The following BAIAP2L1 variants were observed in gnomAD, a reference collection of about 807,000 sequenced individuals.
BAIAP2L1 encodes BAR/IMD domain containing adaptor protein 2 like 1, also known as BAR/IMD domain-containing adapter protein 2-like 1.
BAIAP2L1 carries 35 observed loss-of-function variants against 66.3 expected under a neutral mutation model. The ratio of observed to expected loss-of-function variants is 0.53; its 90% confidence interval spans 0.40 to 0.70. The LOEUF (loss-of-function observed/expected upper bound fraction) is 0.70. BAIAP2L1 is among the 30% of genes least tolerant of loss of function. The probability of loss-of-function intolerance (pLI) is 0.00; values close to 1 mark genes in which losing one functional copy is unlikely to be tolerated. For missense variants in BAIAP2L1, 622 were observed against 656.9 expected (o/e 0.95, Z 0.58); for synonymous variants, 269 against 248.7 (o/e 1.08, Z -0.77).
chr7:98,317,734 G>T (rs1356895486), intron 5 of BAIAP2L1, among the ~76,000 whole-genome samples: 1 of 150,418 alleles, frequency 6.6e-6, no homozygotes, highest in Admixed American at 6.6e-5. Flanking sequence ...CCATCTGCAT[G>T]TTGGCTGGGG....
rs143860425 is a variant in BAIAP2L1, at chr7:98,299,682, G to A, written c.1422+4514C>T. Among the ~76,000 whole-genome samples, 967 of 152,292 alleles carry A rather than the reference G, an allele frequency of 6.3e-3. 7 individuals carry two copies. Among genetic ancestry groups the A allele is most frequent in the African/African-American group, 0.022 (917 of 41,572 alleles). On this transcript the variant is annotated intron_variant, in intron 12 of 13. Coordinates refer to ENST00000005260, the MANE Select transcript of BAIAP2L1 (RefSeq NM_018842.5). Reference sequence around the variant, plus strand: ...AGAGCAAGTTTTTAAATGGAACACTGTACTATTTTGTATGATCTATTCCTA... The same window carrying A: ...AGAGCAAGTTTTTAAATGGAACACTATACTATTTTGTATGATCTATTCCTA...
At chr7:98,368,520 G>T (rs570082217) in intron 1 of BAIAP2L1, among the ~76,000 whole-genome samples, 2 of 151,978 alleles carry the variant, frequency 1.3e-5, no homozygotes, top group African/African-American at 2.4e-5. Context: ...GTGAAACCCC[G>T]CCTCTACTAA....
At chr7:98,312,988 G>A (rs1800926021) in intron 7 of BAIAP2L1, among the ~76,000 whole-genome samples, 1 of 152,158 alleles carries the variant, frequency 6.6e-6, no homozygotes, top group Non-Finnish European at 1.5e-5. Flanking sequence ...GGGGAGGCAG[G>A]AGCCTGTCCT....
chr7:98,348,569 C>CAAAAAAAAA (rs752966671), intron 3 of BAIAP2L1, among the ~76,000 whole-genome samples: 2 of 109,842 alleles, frequency 1.8e-5, no homozygotes, highest in Non-Finnish European at 3.7e-5. Flanking sequence ...TCTGCCTCCA[C>CAAAAAAAAA]AAAAAAAAAA....
At chr7:98,352,025 G>C (rs1802011552) in intron 3 of BAIAP2L1, among the ~76,000 whole-genome samples, 1 of 151,724 alleles carries the variant, frequency 6.6e-6, no homozygotes, top group African/African-American at 2.4e-5. Context: ...CCAAAACGGA[G>C]TAACTAGACA....
intron 3 of BAIAP2L1, among the ~76,000 whole-genome samples, chr7:98,325,241 G>A (rs1801352201): frequency 6.6e-6 from 1 of 152,032 alleles, no homozygotes; most frequent in African/African-American, 2.4e-5. Context: ...AAATTAGCTG[G>A]GCATGGTGGC....
intron 7 of BAIAP2L1, among the ~76,000 whole-genome samples, chr7:98,312,867 G>A (rs779212018): frequency 7.9e-5 from 12 of 152,178 alleles, no homozygotes; most frequent in Non-Finnish European, 1.8e-4. Flanking sequence ...TGGAGGCAGA[G>A]TGCCCCTCCA....
chr7:98,372,446 G>C (rs866081248), intron 1 of BAIAP2L1, among the ~76,000 whole-genome samples: 8 of 152,052 alleles, frequency 5.3e-5, no homozygotes, highest in Middle Eastern at 3.4e-3. Context: ...TATGAACAAG[G>C]ACAAATTATT....
intron 12 of BAIAP2L1, among the ~76,000 whole-genome samples, chr7:98,303,686 C>T (rs1204579980): frequency 1.3e-5 from 2 of 152,210 alleles, no homozygotes; most frequent in East Asian, 3.9e-4. Flanking sequence ...CCATGCTGGG[C>T]CCCCAGAGGC....
intron 1 of BAIAP2L1, 85 bp from the exon 2 acceptor site, chr7:98,362,517 T>C: frequency 1.8e-6 from 2 of 1,085,842 alleles, no homozygotes; most frequent in Non-Finnish European, 1.4e-6. Flanking sequence ...TGGCCCAGGA[T>C]AGCTATGGAT....
intron 1 of BAIAP2L1, among the ~76,000 whole-genome samples, chr7:98,371,959 T>A (rs1433717664): frequency 6.6e-6 from 1 of 151,994 alleles, no homozygotes. Flanking sequence ...TGCACCTGGC[T>A]AGTTTTTTGT....
At chr7:98,391,648 G>C (rs749959940) in intron 1 of BAIAP2L1, among the ~76,000 whole-genome samples, 3 of 149,810 alleles carry the variant, frequency 2.0e-5, no homozygotes, top group Non-Finnish European at 1.5e-5. Context: ...GGAGGTGGAC[G>C]TTGTGAGCCG....
At chr7:98,307,627 T>G in intron 10 of BAIAP2L1, 62 bp downstream of exon 10, 1 of 1,596,994 alleles carries the variant, frequency 6.3e-7, no homozygotes, top group East Asian at 2.2e-5. Flanking sequence ...GTTTGCAGCT[T>G]GGCTGCTCTG....
chr7:98,305,595 T>C (rs974699477), intron 11 of BAIAP2L1, among the ~76,000 whole-genome samples: 63 of 151,804 alleles, frequency 4.2e-4, no homozygotes, highest in Non-Finnish European at 7.9e-4. Flanking sequence ...TAATTGTTTA[T>C]TTTTTTTGTA....
chr7:98,378,598 T>C (rs1802686332), intron 1 of BAIAP2L1, among the ~76,000 whole-genome samples: 2 of 152,244 alleles, frequency 1.3e-5, no homozygotes, highest in South Asian at 4.1e-4. Context: ...CCCTGTTTAC[T>C]CTCTGTCTCC....
chr7:98,327,357 T>C (rs1024470551), intron 3 of BAIAP2L1, among the ~76,000 whole-genome samples: 5 of 40,540 alleles, frequency 1.2e-4, no homozygotes, highest in African/African-American at 2.7e-4. Flanking sequence ...CAAGACCTTG[T>C]AAATAAATAA....
chr7:98,375,373 G>A (rs6973775), intron 1 of BAIAP2L1, among the ~76,000 whole-genome samples: 57,133 of 149,598 alleles, frequency 0.38, 12,343 homozygotes, highest in Middle Eastern at 0.55. Flanking sequence ...CAGCCCAGGC[G>A]ACAGTACAAC....
rs766507905 is a variant in BAIAP2L1 at position 98,315,627 on chromosome 7, AT to A, written c.487-16del. On this transcript the variant is annotated splice_polypyrimidine_tract_variant and intron_variant, in intron 6 of 13. Transcript: ENST00000005260. ...GTCTCCACATACTAAAAAAAAAAAA[AT>A]AATAATAATAATAATTATATAAGCA... 2.4e-4 allele frequency: 243 copies of A among 1,005,326 alleles called. No homozygotes were observed. In the Admixed American group the frequency reaches 4.7e-3, roughly 19 times the overall value. 62.3% of individuals were successfully genotyped at this position (1,005,326 alleles called of 1,614,324 possible). A position where few individuals can be genotyped will look rare whatever the true frequency, so the allele number is the denominator to read the frequency against.
At chr7:98,368,623 G>A (rs1447469988) in intron 1 of BAIAP2L1, among the ~76,000 whole-genome samples, 3 of 151,912 alleles carry the variant, frequency 2.0e-5, no homozygotes, top group South Asian at 2.1e-4. Context: ...CCTAGGAGGC[G>A]GAGGTTGCAT....
Sources: allele counts gnomAD v4.1 joint callset (sites outside exome capture counted in the v4.1 genomes callset), GRCh38; gene constraint gnomAD v4.1.1; transcripts MANE v1.5; gene names NCBI Gene and HGNC (gene_info 2026-07-23, HGNC 2026-07-21).